The following PIWIL2 variants were observed in gnomAD, a reference collection of about 807,000 sequenced individuals.
PIWIL2 encodes piwi-like protein 2.
In PIWIL2, 81 loss-of-function variants were observed where a neutral mutation model predicts 116.5. That is an observed-to-expected ratio of 0.70 (90% CI 0.58 to 0.84). The LOEUF (loss-of-function observed/expected upper bound fraction) is 0.84. Ranked by LOEUF, PIWIL2 falls within the 40% of genes least tolerant of loss-of-function variation. The pLI, the probability that PIWIL2 is intolerant of heterozygous loss-of-function variation, is 0.00. For missense variants in PIWIL2, 1,272 were observed against 1,212.3 expected (o/e 1.05, Z -0.73); for synonymous variants, 489 against 429.5 (o/e 1.14, Z -1.71).
rs921034825 is a variant in PIWIL2 at position 22,350,741 on chromosome 8, C to G, written c.2404-2218C>G. Among the ~76,000 whole-genome samples the G allele has an allele frequency of 2.5e-4, 38 of 152,132 alleles. 1 individual carries two copies. Among genetic ancestry groups the G allele is most frequent in the Non-Finnish European group, 7.3e-5 (5 of 68,032 alleles). ...TCTGGGCCAGAAGTGGTGGCTCATT[C>G]CTGTAACCTCAGCACTTTGGGAGGC... On this transcript the variant is annotated intron_variant, in intron 20 of 22. Coordinates refer to ENST00000356766, the MANE Select transcript of PIWIL2 (RefSeq NM_018068.5).
At chr8:22,354,118 G>A (rs1188771527) in intron 21 of PIWIL2, among the ~76,000 whole-genome samples, 153 bp from the exon 22 acceptor site, 1 of 151,994 alleles carries the variant, frequency 6.6e-6, no homozygotes, top group Non-Finnish European at 1.5e-5. Context: ...CAGGAGACCT[G>A]GGTTCTAATC....
intron 1 of PIWIL2, 37 bp from the exon 2 acceptor site, chr8:22,279,304 A>G: frequency 1.8e-6 from 2 of 1,130,582 alleles, no homozygotes; most frequent in Non-Finnish European, 2.7e-6. Context: ...GAAAAGGAAA[A>G]CAATTGGGAA....
intron 20 of PIWIL2, among the ~76,000 whole-genome samples, chr8:22,331,163 G>A (rs560082708): frequency 1.6e-4 from 24 of 152,064 alleles, no homozygotes; most frequent in African/African-American, 4.3e-4. Context: ...GCTACAGAGC[G>A]AGACTCTGTC....
At chr8:22,330,083 G>C (rs149038811) in intron 20 of PIWIL2, among the ~76,000 whole-genome samples, 207 of 152,158 alleles carry the variant, frequency 1.4e-3, no homozygotes, top group Non-Finnish European at 2.6e-3. Flanking sequence ...TTTATATGAT[G>C]GTGTGTTTGT....
Position 22,281,100 on chromosome 8 carries a change from T to C in PIWIL2, c.199-20T>C. ...GGTTTTAAACTACCTCTTAGAACTT[T>C]ATTCTTTGACTTTCCACAGGAGTCT... On this transcript the variant is annotated intron_variant, in intron 2 of 22. Transcript: ENST00000356766. 4 of 1,549,600 alleles carry C rather than the reference T, an allele frequency of 2.6e-6. No homozygotes were observed. Among genetic ancestry groups the C allele is most frequent in the Non-Finnish European group, 2.6e-6 (3 of 1,134,638 alleles).
intron 10 of PIWIL2, among the ~76,000 whole-genome samples, chr8:22,293,064 C>CT (rs1471519516): frequency 1.3e-5 from 2 of 152,180 alleles, no homozygotes; most frequent in East Asian, 1.9e-4. Context: ...TCGGCTATTT[C>CT]TTTTTTTGCA....
chr8:22,317,894 C>G (rs909969184), intron 19 of PIWIL2, among the ~76,000 whole-genome samples: 5 of 152,132 alleles, frequency 3.3e-5, no homozygotes, highest in African/African-American at 1.2e-4. Context: ...ATCTCCTGAC[C>G]TCGTGATCTG....
chr8:22,351,436 C>CATACAT lies in PIWIL2; in HGVS notation c.2404-1519_2404-1514dup, dbSNP rs1480620860. Among the ~76,000 whole-genome samples the CATACAT allele has an allele frequency of 8.6e-5, 4 of 46,266 alleles. No individual in the cohort carries two copies. The Admixed American group carries it at 1.1e-3, about 13-fold the overall frequency. 30.4% of individuals were successfully genotyped at this position (46,266 alleles called of 152,430 possible). The stretch of plus-strand genomic sequence containing the variant: ...AGTAACCTGTAAGGAACAGTGCATA[C>CATACAT]ATACATATATATATATATATATATA... On this transcript the variant is annotated intron_variant, in intron 20 of 22. Coordinates refer to ENST00000356766, the MANE Select transcript of PIWIL2 (RefSeq NM_018068.5).
At position 22,333,697 on chromosome 8, in the gene PIWIL2, T is replaced by C. The variant is rs185721826; in HGVS notation, c.2403+15422T>C. Reference sequence around the variant, plus strand: ...TCTATAGAAACCAGAAGGTTAGTGGTTGCCTGGGGCTGGGGTCGAGGAGGG... The same window carrying C: ...TCTATAGAAACCAGAAGGTTAGTGGCTGCCTGGGGCTGGGGTCGAGGAGGG... On this transcript the variant is annotated intron_variant, in intron 20 of 22. Transcript: ENST00000356766. Among the ~76,000 whole-genome samples, 6 of 152,178 alleles carry C rather than the reference T, an allele frequency of 3.9e-5. No individual in the cohort carries two copies. The East Asian group carries it at 1.2e-3, about 29-fold the overall frequency.
chr8:22,301,727 T>G (rs935084218), intron 10 of PIWIL2, among the ~76,000 whole-genome samples: 12 of 49,152 alleles, frequency 2.4e-4, no homozygotes, highest in African/African-American at 4.4e-4. Context: ...AGATTTTCTG[T>G]TTTTTTTTTT....
At chr8:22,295,602 G>A (rs1830879461) in intron 10 of PIWIL2, among the ~76,000 whole-genome samples, 1 of 152,054 alleles carries the variant, frequency 6.6e-6, no homozygotes, top group Admixed American at 6.5e-5. Flanking sequence ...GCTCAGCCCC[G>A]AGAGCATGTC....
Position 22,339,565 on chromosome 8 carries a change from CTATTAA to C in PIWIL2, c.2404-13388_2404-13383del, listed in dbSNP as rs911351727. 3.3e-5 allele frequency among the ~76,000 whole-genome samples: 5 copies of C among 152,046 alleles called. 1 individual carries two copies. Among genetic ancestry groups the C allele is most frequent in the African/African-American group, 9.6e-5 (4 of 41,462 alleles). On this transcript the variant is annotated intron_variant, in intron 20 of 22. Transcript: ENST00000356766. The stretch of plus-strand genomic sequence containing the variant: ...TAGATGTAAATCTTTGTGACCATGT[CTATTAA>C]TATTAGGCACCAGTTGATTAGATAT...
At chr8:22,306,246 G>A (rs1831174845) in intron 13 of PIWIL2, among the ~76,000 whole-genome samples, 1 of 152,156 alleles carries the variant, frequency 6.6e-6, no homozygotes, top group Admixed American at 6.6e-5. Flanking sequence ...AAGGTCGTTA[G>A]AACAGTAGAG....
At position 22,281,361 on chromosome 8, in the gene PIWIL2, C is replaced by T. The variant is rs776679024; in HGVS notation, c.287-16C>T. 2.1e-5 allele frequency: 33 copies of T among 1,603,856 alleles called. No individual in the cohort carries two copies. The highest frequency in any genetic ancestry group is 2.2e-5 in the Non-Finnish European group (26 of 1,177,602). ...TTAAGTCATAGTCATTGCTGGGGTTCGGTTCTTTCTTTCAGGTAGAGGCAT... is the reference window on the plus strand; with the variant it reads ...TTAAGTCATAGTCATTGCTGGGGTTTGGTTCTTTCTTTCAGGTAGAGGCAT... On this transcript the variant is annotated splice_polypyrimidine_tract_variant and intron_variant, in intron 3 of 22. Coordinates refer to ENST00000356766, the MANE Select transcript of PIWIL2 (RefSeq NM_018068.5).
intron 10 of PIWIL2, among the ~76,000 whole-genome samples, chr8:22,292,118 G>T (rs1031525838): frequency 1.3e-5 from 2 of 152,194 alleles, no homozygotes; most frequent in African/African-American, 2.4e-5. Context: ...GGCACATGCA[G>T]GGTGGCTAGA....
chr8:22,297,647 G>A (rs1830941549), intron 10 of PIWIL2, among the ~76,000 whole-genome samples: 1 of 152,138 alleles, frequency 6.6e-6, no homozygotes. Context: ...TTACAGTATG[G>A]GAGAGAGATT....
chr8:22,300,140 A>G (rs1176783603), intron 10 of PIWIL2, among the ~76,000 whole-genome samples: 1 of 152,018 alleles, frequency 6.6e-6, no homozygotes, highest in Non-Finnish European at 1.5e-5. Flanking sequence ...TATGTTGCCC[A>G]GGCCGGTCTT....
rs1831168165 is a variant in PIWIL2, at chr8:22,305,986, G to A, written c.1515G>A (p.Glu505=). ...TTTCTTTTATGACCGGAATCCCAGA[G>A]AAGATGAAGAAGGACTTCAGAGCCA... ...PELSFMTGIP[E]KMKKDFRAMK... is the part of the protein sequence containing the mutation. The change falls in exon 13 of 23, where the codon GAG becomes GAA. Residue 505 remains glutamate (E), a synonymous_variant. Coordinates refer to ENST00000356766, the MANE Select transcript of PIWIL2 (RefSeq NM_018068.5). 6.2e-7 allele frequency: 1 copy of A among 1,613,966 alleles called. No individual in the cohort carries two copies.
intron 19 of PIWIL2, 75 bp from the exon 20 acceptor site, chr8:22,318,095 C>CCA: frequency 1.2e-6 from 1 of 858,770 alleles, no homozygotes; most frequent in Non-Finnish European, 1.9e-6. Context: ...GTGTTACTGA[C>CCA]ATAAGCCATA....
Sources: gnomAD v4.1 joint callset for allele counts (sites outside exome capture counted in the v4.1 genomes callset) on GRCh38, gnomAD v4.1.1 for gene constraint, MANE v1.5 for transcripts, NCBI Gene and HGNC (gene_info 2026-07-23, HGNC 2026-07-21) for gene names.